The following NAA35 variants were observed in gnomAD, a reference collection of about 807,000 sequenced individuals.
The protein encoded by NAA35 is MAK10 homolog, amino-acid N-acetyltransferase subunit.
Under a neutral mutation model 101.7 loss-of-function variants are expected in NAA35, and 18 were observed. The observed-to-expected ratio is 0.18, with a 90% CI of 0.12 to 0.26. The LOEUF is 0.26. NAA35 is among the 10% of genes least tolerant of loss of function. The pLI, the probability that NAA35 is intolerant of heterozygous loss-of-function variation, is 1.00. For missense variants in NAA35, 601 were observed against 886.8 expected (o/e 0.68, Z 4.09); for synonymous variants, 267 against 273.1 (o/e 0.98, Z 0.22).
At chr9:85,983,677 C>G (rs7045565) in intron 11 of NAA35, among the ~76,000 whole-genome samples, 121,434 of 151,948 alleles carry the variant, frequency 0.8, 49,262 homozygotes, top group African/African-American at 0.95. Flanking sequence ...CGGGTGGGGG[C>G]CAAGGGGAGG....
intron 6 of NAA35, among the ~76,000 whole-genome samples, chr9:85,962,917 A>G (rs1829583408): frequency 6.6e-6 from 1 of 152,186 alleles, no homozygotes; most frequent in Non-Finnish European, 1.5e-5. Flanking sequence ...TCACCTGAGG[A>G]AGTATTGTGA....
At chr9:85,968,130 C>T (rs553842643) in intron 6 of NAA35, among the ~76,000 whole-genome samples, 5 of 152,244 alleles carry the variant, frequency 3.3e-5, no homozygotes, top group East Asian at 1.9e-4. Context: ...TGCTTTAGTT[C>T]GTCAACCTTA....
chr9:85,969,794 T>C (rs1829925140), intron 6 of NAA35, among the ~76,000 whole-genome samples: 1 of 151,714 alleles, frequency 6.6e-6, no homozygotes, highest in African/African-American at 2.4e-5. Context: ...GCCCAGGAGT[T>C]TGAGGCTATG....
At chr9:85,980,570 A>C (rs913601946) in intron 11 of NAA35, among the ~76,000 whole-genome samples, 1 of 152,186 alleles carries the variant, frequency 6.6e-6, no homozygotes, top group Admixed American at 6.5e-5. Flanking sequence ...GGCCTCTGTT[A>C]CATTTTCTTG....
chr9:85,941,942 G>A lies in NAA35; in HGVS notation c.-5-213G>A. On this transcript the variant is annotated intron_variant, in intron 1 of 22. Coordinates refer to ENST00000361671, the MANE Select transcript of NAA35 (RefSeq NM_024635.4). Reference sequence around the variant, plus strand: ...AAAATGTTTATGGGCCCTGGTAGGTGGTGGGCTAATAGTAAGCAGCAGGAG... The same window carrying A: ...AAAATGTTTATGGGCCCTGGTAGGTAGTGGGCTAATAGTAAGCAGCAGGAG... The A allele has an allele frequency of 4.8e-6, 6 of 1,244,476 alleles. No individual in the cohort carries two copies. In the South Asian group the frequency reaches 1.6e-4, roughly 34 times the overall value. The allele number at this position is 1,244,476 out of a possible 1,614,324, so 77.1% of individuals were successfully genotyped here. A position where few individuals can be genotyped will look rare whatever the true frequency, so the allele number is the denominator to read the frequency against.
At chr9:85,950,566 T>G (rs1288863870) in intron 2 of NAA35, among the ~76,000 whole-genome samples, 1 of 152,140 alleles carries the variant, frequency 6.6e-6, no homozygotes, top group Non-Finnish European at 1.5e-5. Context: ...TAAGGAATCT[T>G]ACGAGTCATC....
chr9:85,972,262 T>C (rs1011211053), intron 6 of NAA35, among the ~76,000 whole-genome samples: 2 of 151,888 alleles, frequency 1.3e-5, no homozygotes, highest in Admixed American at 6.6e-5. Context: ...TCCCAGCACT[T>C]TGGGAGGCTG....
Position 86,013,857 on chromosome 9 carries a change from T to C in NAA35, c.1528T>C (p.Leu510=). Residue 510 remains leucine, a synonymous_variant, in exon 17 of 23, where the codon TTG becomes CTG. Transcript: ENST00000361671. The part of the protein sequence containing the change: ...MIQYLLSGFE[L]ELYSMHEYYY... ...ACAGTACCTTCTAAGTGGCTTTGAA[T>C]TGGAACTCTACAGTATGCACGAGTA... is the stretch of plus-strand genomic sequence containing the variant. 1.9e-6 allele frequency: 3 copies of C among 1,614,024 alleles called. No homozygotes were observed. Among genetic ancestry groups the C allele is most frequent in the African/African-American group, 1.3e-5 (1 of 75,038 alleles).
At chr9:86,017,406 A>C in intron 18 of NAA35, 92 bp from the exon 19 acceptor site, 1 of 1,170,646 alleles carries the variant, frequency 8.5e-7, no homozygotes, top group Non-Finnish European at 1.2e-6. Context: ...ATACAAGCTG[A>C]AAGATTTTTT....
At chr9:86,005,039 T>C (rs2118349987) in intron 13 of NAA35, among the ~76,000 whole-genome samples, 1 of 152,334 alleles carries the variant, frequency 6.6e-6, no homozygotes, top group Middle Eastern at 3.4e-3. Context: ...TGGAAAACTA[T>C]AGACCATATT....
At chr9:85,996,942 C>CT (rs896987513) in intron 12 of NAA35, among the ~76,000 whole-genome samples, 177 of 144,684 alleles carry the variant, frequency 1.2e-3, no homozygotes, top group African/African-American at 3.2e-3. Flanking sequence ...AACTTAAACT[C>CT]TTTTTTTTTT....
At chr9:86,020,287 T>C (rs1832461339) in intron 21 of NAA35, among the ~76,000 whole-genome samples, 2 of 152,158 alleles carry the variant, frequency 1.3e-5, no homozygotes, top group African/African-American at 4.8e-5. Flanking sequence ...GAGCTACCTA[T>C]GATGACATAT....
chr9:85,964,747 T>TA (rs1393144452), intron 6 of NAA35, among the ~76,000 whole-genome samples: 6 of 152,226 alleles, frequency 3.9e-5, no homozygotes, highest in Non-Finnish European at 8.8e-5. Flanking sequence ...GAATATAACA[T>TA]AAGTGATGTG....
chr9:86,005,444 A>T (rs1412416259), intron 13 of NAA35, among the ~76,000 whole-genome samples: 1 of 152,256 alleles, frequency 6.6e-6, no homozygotes, highest in East Asian at 1.9e-4. Context: ...AAAGATGCCC[A>T]CTTCGCTCTT....
chr9:85,972,949 G>A (rs768770974), intron 6 of NAA35, among the ~76,000 whole-genome samples: 1 of 152,198 alleles, frequency 6.6e-6, no homozygotes, highest in African/African-American at 2.4e-5. Flanking sequence ...GTCAGGTGGT[G>A]ATTAAGTGCC....
rs377747561 is a variant in NAA35, at chr9:85,966,113, A to T, written c.516+3933A>T. ...TTCCACCACACGTGGCTAATTTTTA[A>T]TTTTTTTTGTAAAGACTGGGTTTTG... On this transcript the variant is annotated intron_variant, in intron 6 of 22. Coordinates refer to ENST00000361671, the MANE Select transcript of NAA35 (RefSeq NM_024635.4). Among the ~76,000 whole-genome samples the T allele has an allele frequency of 2.9e-3, 438 of 151,774 alleles. 5 individuals are homozygous for T. In the South Asian group the frequency reaches 0.033, roughly 12 times the overall value.
chr9:85,973,060 A>G (rs1564299117), intron 6 of NAA35, among the ~76,000 whole-genome samples: 1 of 152,256 alleles, frequency 6.6e-6, no homozygotes, highest in Non-Finnish European at 1.5e-5. Context: ...ACATTAGAAC[A>G]GAGGCTGGAA....
intron 2 of NAA35, among the ~76,000 whole-genome samples, chr9:85,952,736 G>T (rs1829076820): frequency 6.6e-6 from 1 of 152,178 alleles, no homozygotes; most frequent in East Asian, 1.9e-4. Context: ...AGGGTGAAGT[G>T]AGTGAGGTAC....
intron 2 of NAA35, among the ~76,000 whole-genome samples, chr9:85,942,944 A>G (rs954697021): frequency 3.9e-5 from 6 of 152,192 alleles, no homozygotes; most frequent in Non-Finnish European, 7.3e-5. Context: ...CTCCTCTGCA[A>G]TTCCACCTCA....
Sources: gnomAD v4.1 joint callset for allele counts (sites outside exome capture counted in the v4.1 genomes callset) on GRCh38, gnomAD v4.1.1 for gene constraint, MANE v1.5 for transcripts, NCBI Gene and HGNC (gene_info 2026-07-23, HGNC 2026-07-21) for gene names.